SMAGP: variants seen among roughly 807,000 people sequenced by gnomAD.
SMAGP encodes small cell adhesion glycoprotein.
A neutral mutation model predicts 10.1 loss-of-function variants in SMAGP; 7 were observed. That is an observed-to-expected ratio of 0.70 (90% CI 0.40 to 1.31). The LOEUF is 1.31. SMAGP is among the 50% of genes most tolerant of loss of function. The pLI is 0.01. For synonymous variants in SMAGP, 49 were observed against 47.2 expected, an observed-to-expected ratio of 1.04 and a Z score of -0.16; for missense variants, 113 against 116.5, an observed-to-expected ratio of 0.97 and a Z score of 0.14.
intron 2 of SMAGP, among the ~76,000 whole-genome samples, chr12:51,248,117 C>T (rs1274844682): frequency 6.6e-6 from 1 of 152,030 alleles, no homozygotes; most frequent in Non-Finnish European, 1.5e-5. Flanking sequence ...CAGTGCCTGA[C>T]ACGTTCAGGT....
rs571175903 is a variant in SMAGP, at chr12:51,249,254, T to G, written c.35-2423A>C. Among the ~76,000 whole-genome samples the G allele has an allele frequency of 6.6e-5, 10 of 152,256 alleles. 1 individual carries two copies. In the East Asian group the frequency reaches 1.9e-3, roughly 29 times the overall value. On this transcript the variant is annotated intron_variant, in intron 2 of 3. Coordinates refer to ENST00000603798, the MANE Select transcript of SMAGP (RefSeq NM_001031628.2). ...CTTTATAATAAACCAGTAAACACAT[T>G]GTTTCCCTGAGTTCTGTGAGCTACT... is the stretch of plus-strand genomic sequence containing the variant.
At chr12:51,262,374 G>A (rs1308942958) in intron 2 of SMAGP, among the ~76,000 whole-genome samples, 1 of 152,120 alleles carries the variant, frequency 6.6e-6, no homozygotes, top group African/African-American at 2.4e-5. Context: ...CAGCTACTTG[G>A]GAGGCTGAGG....
At chr12:51,249,199 C>T (rs1359849500) in intron 2 of SMAGP, among the ~76,000 whole-genome samples, 2 of 152,348 alleles carry the variant, frequency 1.3e-5, no homozygotes, top group South Asian at 4.1e-4. Context: ...TCACCCTACA[C>T]ATGTCCTCAT....
In SMAGP at chr12:51,248,399, T is replaced by TACACAC. The variant is rs71443213; in HGVS notation, c.35-1574_35-1569dup. Among the ~76,000 whole-genome samples the TACACAC allele has an allele frequency of 1.5e-3, 201 of 132,332 alleles. 2 individuals are homozygous for TACACAC. The highest frequency in any genetic ancestry group is 2.4e-3 in the African/African-American group (82 of 33,770). The allele number at this position is 132,332 out of a possible 152,430, so 86.8% of individuals were successfully genotyped here. A position where few individuals can be genotyped will look rare whatever the true frequency, so the allele number is the denominator to read the frequency against. Reference sequence around the variant, plus strand: ...TGGGCGAATGGTTACTGTGGTGTTTTACACACACACACACACACACACACA... The same window carrying TACACAC: ...TGGGCGAATGGTTACTGTGGTGTTTTACACACACACACACACACACACACACACACA... On this transcript the variant is annotated intron_variant, in intron 2 of 3. Transcript: ENST00000603798.
chr12:51,263,709 G>A (rs1352934007), intron 2 of SMAGP, among the ~76,000 whole-genome samples: 2 of 152,210 alleles, frequency 1.3e-5, no homozygotes, highest in Non-Finnish European at 2.9e-5. Context: ...TACCTGGCAC[G>A]GTGGGCAAAG....
chr12:51,255,614 C>T (rs1210289823), intron 2 of SMAGP, among the ~76,000 whole-genome samples: 1 of 152,154 alleles, frequency 6.6e-6, no homozygotes, highest in African/African-American at 2.4e-5. Context: ...TCTAGCAGAC[C>T]TTCCAGCAGC....
chr12:51,251,418 CAA>C (rs35287493), intron 2 of SMAGP: 74 of 81,018 alleles, frequency 9.1e-4, no homozygotes, highest in South Asian at 3.6e-3. Flanking sequence ...CCCATCTCTA[CAA>C]AAAAAAAAAA....
chr12:51,265,686 C>T (rs1350822791), intron 2 of SMAGP, among the ~76,000 whole-genome samples: 4 of 152,042 alleles, frequency 2.6e-5, no homozygotes, highest in Non-Finnish European at 5.9e-5. Flanking sequence ...GAAAATAGAA[C>T]GGTGTTTGCA....
At position 51,269,237 on chromosome 12, in the gene SMAGP, T is replaced by G. The variant is rs765634838; in HGVS notation, c.34+8A>C. ...TTCTCACTGGGATTAGGAAAGGCCT[T>G]CACCTACCTCTTGGAGAAGGAGTAG... On this transcript the variant is annotated splice_region_variant and intron_variant, in intron 2 of 3. Coordinates refer to ENST00000603798, the MANE Select transcript of SMAGP (RefSeq NM_001031628.2). 1 of 1,613,806 alleles carries G rather than the reference T, an allele frequency of 6.2e-7. No homozygotes were observed. Among genetic ancestry groups the G allele is most frequent in the Non-Finnish European group, 8.5e-7 (1 of 1,179,746 alleles).
At chr12:51,257,402 T>C (rs1944895294) in intron 2 of SMAGP, among the ~76,000 whole-genome samples, 1 of 152,180 alleles carries the variant, frequency 6.6e-6, no homozygotes, top group Admixed American at 6.5e-5. Context: ...CTGATAACTT[T>C]AATTTGCTCA....
At chr12:51,255,460 C>T (rs932606344) in intron 2 of SMAGP, among the ~76,000 whole-genome samples, 1 of 152,204 alleles carries the variant, frequency 6.6e-6, no homozygotes, top group African/African-American at 2.4e-5. Context: ...CCAAAGACCA[C>T]ACTTGTGAAA....
intron 2 of SMAGP, among the ~76,000 whole-genome samples, chr12:51,266,486 T>C (rs1204630709): frequency 6.7e-6 from 1 of 150,368 alleles, no homozygotes; most frequent in Non-Finnish European, 1.5e-5. Flanking sequence ...AAAAAAGAAC[T>C]GTGTACTGAG....
intron 2 of SMAGP, among the ~76,000 whole-genome samples, chr12:51,256,189 A>G (rs1037365972): frequency 6.6e-6 from 1 of 152,146 alleles, no homozygotes; most frequent in Non-Finnish European, 1.5e-5. Context: ...GGGTGGAGTC[A>G]AGGGTGAAGG....
At chr12:51,265,291 G>A (rs1345408624) in intron 2 of SMAGP, among the ~76,000 whole-genome samples, 1 of 152,174 alleles carries the variant, frequency 6.6e-6, no homozygotes, top group Admixed American at 6.6e-5. Flanking sequence ...TGCAGCTGCT[G>A]TGCAAACCTA....
At chr12:51,265,687 G>A (rs994687063) in intron 2 of SMAGP, among the ~76,000 whole-genome samples, 19 of 152,254 alleles carry the variant, frequency 1.2e-4, no homozygotes, top group African/African-American at 2.9e-4. Context: ...AAAATAGAAC[G>A]GTGTTTGCAG....
Position 51,245,255 on chromosome 12 carries a change from CAT to C in SMAGP, c.*684_*685del, listed in dbSNP as rs1944751191. 1 of 152,178 alleles carries C rather than the reference CAT, an allele frequency of 6.6e-6. No individual in the cohort carries two copies. Among genetic ancestry groups the C allele is most frequent in the South Asian group, 2.1e-4 (1 of 4,824 alleles). 9.4% of individuals were successfully genotyped at this position (152,178 alleles called of 1,614,324 possible). A position where few individuals can be genotyped will look rare whatever the true frequency, so the allele number is the denominator to read the frequency against. On this transcript the variant is annotated 3_prime_UTR_variant, in exon 4 of 4. Coordinates refer to ENST00000603798, the MANE Select transcript of SMAGP (RefSeq NM_001031628.2). ...AGGGTTCTTATTGCTTGGAAGAGAA[CAT>C]ATGTAAAGGCGTTAAATAGGGAAAA... is the stretch of plus-strand genomic sequence containing the variant.
intron 2 of SMAGP, among the ~76,000 whole-genome samples, chr12:51,259,798 T>C (rs1158611489): frequency 6.6e-6 from 1 of 152,112 alleles, no homozygotes. Flanking sequence ...ACTGTAACCT[T>C]GAACTCCTGG....
At chr12:51,250,511 GTT>G (rs111568799) in intron 2 of SMAGP, among the ~76,000 whole-genome samples, 1 of 145,212 alleles carries the variant, frequency 6.9e-6, no homozygotes, top group East Asian at 2.0e-4. Context: ...TTTTTTTTTT[GTT>G]TTTTTTTTGT....
intron 2 of SMAGP, among the ~76,000 whole-genome samples, chr12:51,265,694 G>A (rs1356910415): frequency 2.0e-5 from 3 of 152,172 alleles, no homozygotes; most frequent in Non-Finnish European, 2.9e-5. Context: ...AACGGTGTTT[G>A]CAGGGAAATG....
Sources: allele counts gnomAD v4.1 joint callset (sites outside exome capture counted in the v4.1 genomes callset), GRCh38; gene constraint gnomAD v4.1.1; transcripts MANE v1.5; gene names NCBI Gene and HGNC (gene_info 2026-07-23, HGNC 2026-07-21).